DMD: variants seen among roughly 807,000 people sequenced by gnomAD.
The protein encoded by DMD is mutant dystrophin.
In DMD, 63 loss-of-function variants were observed where a neutral mutation model predicts 330.1. The observed-to-expected ratio is 0.19, with a 90% CI of 0.16 to 0.24. The LOEUF (loss-of-function observed/expected upper bound fraction) is 0.24. Among genes scored for constraint, DMD ranks in the 10% least tolerant of loss-of-function variants. DMD has a pLI of 1.00. For missense variants in DMD, 3,344 were observed against 2,684.1 expected (o/e 1.25, Z -5.43); for synonymous variants, 1,223 against 959.8 (o/e 1.27, Z -5.07).
At chrX:32,361,623 A>AT (rs2097835110) in intron 37 of DMD, among the ~76,000 whole-genome samples, 1 of 112,070 alleles carries the variant, frequency 8.9e-6, no homozygotes, top group Admixed American at 9.5e-5. Context: ...CATTTCACTT[A>AT]TTTTGAAAAC....
intron 1 of DMD, among the ~76,000 whole-genome samples, chrX:33,244,681 A>G (rs1445489332): frequency 1.8e-5 from 2 of 111,594 alleles, no homozygotes; most frequent in African/African-American, 6.5e-5. Flanking sequence ...TCTCTTGAAG[A>G]CTAATAAAGA....
chrX:31,579,977 C>T (rs1603399705), intron 55 of DMD, among the ~76,000 whole-genome samples: 1 of 112,048 alleles, frequency 8.9e-6, no homozygotes, highest in Non-Finnish European at 1.9e-5. Flanking sequence ...TGGCTAATGG[C>T]CCCTTTCTCT....
intron 29 of DMD, among the ~76,000 whole-genome samples, chrX:32,435,297 T>TATATATATATATATATATATATATA (rs1557355914): frequency 5.0e-4 from 50 of 99,235 alleles, no homozygotes; most frequent in East Asian, 1.0e-3. Context: ...TATATATATA[T>TATATATATATATATATATATATATA]TTACACCCAT....
intron 44 of DMD, among the ~76,000 whole-genome samples, chrX:31,991,639 A>G (rs1417754636): frequency 1.8e-5 from 2 of 110,298 alleles, no homozygotes; most frequent in Non-Finnish European, 3.8e-5. Context: ...CCAGAAGATG[A>G]GATGTAAACA....
In DMD at chrX:32,671,703, T is replaced by C. The variant is rs72626046; in HGVS notation, c.960+26167A>G. Among the ~76,000 whole-genome samples, 633 of 112,068 alleles carry C rather than the reference T, an allele frequency of 5.6e-3. 10 individuals carry two copies. The East Asian group carries it at 0.086, about 15-fold the overall frequency. ...TCCTTTACAAAGTAATCTAACCAGA[T>C]AAAGAGCTTCATTTTATTCAGCTTA... is the stretch of plus-strand genomic sequence containing the variant. On this transcript the variant is annotated intron_variant, in intron 9 of 78. Coordinates refer to ENST00000357033, the MANE Select transcript of DMD (RefSeq NM_004006.3).
chrX:32,272,136 C>T lies in DMD; in HGVS notation c.6290+15393G>A, dbSNP rs188405271. On this transcript the variant is annotated intron_variant, in intron 43 of 78. Transcript: ENST00000357033. ...CTGAATGGTAACATGTTGCAAACAG[C>T]TATGTAAGACATATAAACTCATGAT... Among the ~76,000 whole-genome samples, 41 of 111,902 alleles carry T rather than the reference C, an allele frequency of 3.7e-4. No homozygotes were observed. In the East Asian group the frequency reaches 9.6e-3, roughly 26 times the overall value.
At chrX:31,784,502 T>C (rs1441691214) in intron 50 of DMD, among the ~76,000 whole-genome samples, 1 of 111,919 alleles carries the variant, frequency 8.9e-6, no homozygotes, top group Non-Finnish European at 1.9e-5. Flanking sequence ...AAAATAGAAT[T>C]ATCATATAAT....
At chrX:31,456,624 T>C (rs959083237) in intron 59 of DMD, among the ~76,000 whole-genome samples, 2 of 111,375 alleles carry the variant, frequency 1.8e-5, no homozygotes, top group Non-Finnish European at 3.8e-5. Flanking sequence ...CTTTAATAAC[T>C]TAAAATATGA....
At chrX:32,269,036 A>C (rs1357383815) in intron 43 of DMD, among the ~76,000 whole-genome samples, 1 of 110,643 alleles carries the variant, frequency 9.0e-6, no homozygotes, top group Non-Finnish European at 1.9e-5. Context: ...CCCAATAGAT[A>C]AAAACACCTG....
At chrX:32,000,341 C>T (rs1251010993) in intron 44 of DMD, among the ~76,000 whole-genome samples, 1 of 111,917 alleles carries the variant, frequency 8.9e-6, no homozygotes, top group African/African-American at 3.2e-5. Flanking sequence ...CGTTGTCTTT[C>T]TCAGAACAAA....
chrX:31,657,606 C>T (rs140353487), intron 54 of DMD, among the ~76,000 whole-genome samples: 1 of 111,795 alleles, frequency 8.9e-6, no homozygotes, highest in African/African-American at 3.2e-5. Flanking sequence ...AGCTATAACT[C>T]TATCATGAAT....
intron 54 of DMD, among the ~76,000 whole-genome samples, chrX:31,634,201 G>A (rs186904037): frequency 1.3e-3 from 142 of 112,125 alleles, no homozygotes; most frequent in African/African-American, 4.5e-3. Flanking sequence ...GAAAAGATCT[G>A]GCTGCTCTTT....
chrX:32,869,999 T>C (rs2082820020), intron 2 of DMD, among the ~76,000 whole-genome samples: 1 of 110,818 alleles, frequency 9.0e-6, no homozygotes, highest in African/African-American at 3.3e-5. Flanking sequence ...CAAGGATAAA[T>C]AGGAAGAGAG....
chrX:31,907,040 T>G lies in DMD; in HGVS notation c.6912+22556A>C, dbSNP rs146850774. 9.9e-3 allele frequency among the ~76,000 whole-genome samples: 1,112 copies of G among 112,139 alleles called. 12 individuals carry two copies. Among genetic ancestry groups the G allele is most frequent in the African/African-American group, 0.034 (1,050 of 30,920 alleles). On this transcript the variant is annotated intron_variant, in intron 47 of 78. Transcript: ENST00000357033. ...TTATTGTGATATAAATTTGAAAAGCTATGACATGGAATTCTGATTCAATTG... is the reference window on the plus strand; with the variant it reads ...TTATTGTGATATAAATTTGAAAAGCGATGACATGGAATTCTGATTCAATTG...
intron 49 of DMD, among the ~76,000 whole-genome samples, chrX:31,824,862 T>A (rs2149444681): frequency 8.9e-6 from 1 of 111,937 alleles, no homozygotes; most frequent in African/African-American, 3.2e-5. Flanking sequence ...CTTGAGACTA[T>A]GTCTATTGTG....
chrX:31,471,731 C>A (rs1274385993), intron 59 of DMD, among the ~76,000 whole-genome samples: 1 of 112,273 alleles, frequency 8.9e-6, no homozygotes, highest in Admixed American at 9.5e-5. Flanking sequence ...TTCACATAAT[C>A]CATAATCTTA....
chrX:32,383,786 A>G (rs1235754241), intron 33 of DMD, among the ~76,000 whole-genome samples: 2 of 110,439 alleles, frequency 1.8e-5, no homozygotes, highest in Non-Finnish European at 3.8e-5. Flanking sequence ...AGAATCATTC[A>G]TTTCTGAATA....
chrX:32,722,890 C>G (rs757881010), intron 7 of DMD, among the ~76,000 whole-genome samples: 75 of 109,196 alleles, frequency 6.9e-4, no homozygotes, highest in African/African-American at 2.3e-3. Flanking sequence ...AATAATATTA[C>G]TTCTTCCTTT....
chrX:32,566,012 T>C (rs1460768226), intron 15 of DMD, 131 bp from the exon 16 acceptor site: 1 of 568,220 alleles, frequency 1.8e-6, no homozygotes, highest in African/African-American at 2.3e-5. Flanking sequence ...CCGCAAAGGA[T>C]CAAAAGTTCA....
Sources: gnomAD v4.1 joint callset for allele counts (sites outside exome capture counted in the v4.1 genomes callset) on GRCh38, gnomAD v4.1.1 for gene constraint, MANE v1.5 for transcripts, NCBI Gene and HGNC (gene_info 2026-07-23, HGNC 2026-07-21) for gene names.